The following C1QTNF7 variants were observed in gnomAD, a reference collection of about 807,000 sequenced individuals.
C1QTNF7 encodes C1q and TNF related 7, also known as complement C1q tumor necrosis factor-related protein 7.
In C1QTNF7, 15 loss-of-function variants were observed where a neutral mutation model predicts 19.6. The observed-to-expected ratio is 0.76, with a 90% CI of 0.51 to 1.18. The LOEUF is 1.18. Ranked by LOEUF, C1QTNF7 falls within the 50% of genes most tolerant of loss-of-function variation. C1QTNF7 has a pLI of 0.00. For missense variants in C1QTNF7, 324 were observed against 359.7 expected (o/e 0.90, Z 0.80); for synonymous variants, 142 against 137.5 (o/e 1.03, Z -0.23).
At chr4:15,405,250 C>T (rs578171986) in intron 1 of C1QTNF7, among the ~76,000 whole-genome samples, 1 of 152,180 alleles carries the variant, frequency 6.6e-6, no homozygotes, top group Non-Finnish European at 1.5e-5. Flanking sequence ...CGAATGACAG[C>T]AGGCGGGCTC....
At chr4:15,390,517 C>G (rs542453805) in intron 1 of C1QTNF7, among the ~76,000 whole-genome samples, 1 of 152,186 alleles carries the variant, frequency 6.6e-6, no homozygotes, top group East Asian at 1.9e-4. Flanking sequence ...AGAGGAGGAG[C>G]CCATGAAACA....
chr4:15,429,126 T>A (rs1712189598), intron 1 of C1QTNF7, among the ~76,000 whole-genome samples: 1 of 152,174 alleles, frequency 6.6e-6, no homozygotes. Flanking sequence ...GGTGTGAGGA[T>A]AAAGTAAAAG....
intron 1 of C1QTNF7, among the ~76,000 whole-genome samples, chr4:15,351,519 A>G (rs1443838467): frequency 6.6e-6 from 1 of 152,192 alleles, no homozygotes; most frequent in Non-Finnish European, 1.5e-5. Flanking sequence ...TTACATAAAT[A>G]AAGGAGAGTA....
intron 1 of C1QTNF7, among the ~76,000 whole-genome samples, chr4:15,353,556 G>C (rs913818197): frequency 6.6e-6 from 1 of 152,146 alleles, no homozygotes; most frequent in Admixed American, 6.5e-5. Flanking sequence ...ACATGGGCAA[G>C]GTTGCCATCT....
chr4:15,439,296 A>G (rs1712658383), intron 2 of C1QTNF7, among the ~76,000 whole-genome samples: 1 of 152,226 alleles, frequency 6.6e-6, no homozygotes, highest in Non-Finnish European at 1.5e-5. Context: ...TAGAAAATCC[A>G]AACTTTCAGG....
At chr4:15,362,639 T>A (rs2109300090) in intron 1 of C1QTNF7, 1 of 152,348 alleles carries the variant, frequency 6.6e-6, no homozygotes, top group East Asian at 1.9e-4. Flanking sequence ...CTGGCACCTC[T>A]GTTTGTAAGA....
intron 1 of C1QTNF7, among the ~76,000 whole-genome samples, chr4:15,347,147 C>A (rs1231277944): frequency 6.6e-6 from 1 of 152,120 alleles, no homozygotes; most frequent in Non-Finnish European, 1.5e-5. Context: ...AAAATGTGTT[C>A]ATTGTCCTCC....
At chr4:15,431,338 TG>T (rs1319551251) in intron 1 of C1QTNF7, among the ~76,000 whole-genome samples, 2 of 152,044 alleles carry the variant, frequency 1.3e-5, no homozygotes, top group Non-Finnish European at 2.9e-5. Flanking sequence ...GATGCCAACA[TG>T]GGGAAGGAGG....
chr4:15,419,088 G>C (rs1711604610), intron 1 of C1QTNF7, among the ~76,000 whole-genome samples: 1 of 152,204 alleles, frequency 6.6e-6, no homozygotes, highest in East Asian at 1.9e-4. Flanking sequence ...GTGCCTGGCT[G>C]TGGGGGAACT....
intron 1 of C1QTNF7, among the ~76,000 whole-genome samples, chr4:15,395,311 A>G (rs938673167): frequency 6.6e-6 from 1 of 152,112 alleles, no homozygotes; most frequent in Non-Finnish European, 1.5e-5. Flanking sequence ...TCCATAAAAG[A>G]GATGGTGGGG....
intron 1 of C1QTNF7, chr4:15,419,846 A>T (rs963674145): frequency 6.6e-6 from 1 of 152,024 alleles, no homozygotes; most frequent in Non-Finnish European, 1.5e-5. Flanking sequence ...GCCAAACAAA[A>T]ACCAAACAAA....
intron 1 of C1QTNF7, among the ~76,000 whole-genome samples, chr4:15,406,120 G>T (rs1295418009): frequency 1.3e-5 from 2 of 152,138 alleles, no homozygotes; most frequent in Non-Finnish European, 2.9e-5. Flanking sequence ...TACGCTGTTG[G>T]AATAATCACT....
intron 1 of C1QTNF7, among the ~76,000 whole-genome samples, chr4:15,367,620 AC>A (rs1717573936): frequency 6.6e-6 from 1 of 152,154 alleles, no homozygotes; most frequent in African/African-American, 2.4e-5. Flanking sequence ...ATTGTCACCT[AC>A]AAGAAAAGCA....
intron 1 of C1QTNF7, among the ~76,000 whole-genome samples, chr4:15,354,137 A>G (rs1259861289): frequency 6.6e-6 from 1 of 152,072 alleles, no homozygotes; most frequent in African/African-American, 2.4e-5. Flanking sequence ...GAGGTCTCAC[A>G]CTTCATGGGA....
chr4:15,351,636 T>C (rs1716944084), intron 1 of C1QTNF7, among the ~76,000 whole-genome samples: 1 of 150,746 alleles, frequency 6.6e-6, no homozygotes, highest in Non-Finnish European at 1.5e-5. Flanking sequence ...TCTCTGGGGG[T>C]GGAACCCAGG....
chr4:15,442,817 G>A lies in C1QTNF7; in HGVS notation c.*18G>A. On this transcript the variant is annotated 3_prime_UTR_variant, in exon 3 of 3. Transcript: ENST00000444304. ...AATTGTGATCAGGACCAAGATCCCTGTGGTAAACACTCTGATTGAATCTGG... is the reference window on the plus strand; with the variant it reads ...AATTGTGATCAGGACCAAGATCCCTATGGTAAACACTCTGATTGAATCTGG... The A allele has an allele frequency of 6.4e-7, 1 of 1,572,222 alleles. No individual in the cohort carries two copies. Among genetic ancestry groups the A allele is most frequent in the South Asian group, 1.2e-5 (1 of 84,098 alleles).
intron 1 of C1QTNF7, among the ~76,000 whole-genome samples, chr4:15,411,312 A>G (rs1719395649): frequency 6.6e-6 from 1 of 152,238 alleles, no homozygotes; most frequent in African/African-American, 2.4e-5. Flanking sequence ...ATGAATGTGC[A>G]AGGAAGACTT....
intron 1 of C1QTNF7, among the ~76,000 whole-genome samples, chr4:15,356,944 T>G (rs1170673047): frequency 2.0e-5 from 2 of 100,464 alleles, no homozygotes; most frequent in East Asian, 5.8e-4. Context: ...GATAAAGTTG[T>G]TTTTTTTTTT....
At chr4:15,359,184 ATGCCTATGAGTG>A (rs1305981727) in intron 1 of C1QTNF7, among the ~76,000 whole-genome samples, 6 of 152,164 alleles carry the variant, frequency 3.9e-5, no homozygotes, top group Admixed American at 3.9e-4. Context: ...GCAAGGTCCA[ATGCCTATGAGTG>A]TCTGCTCTCA....
Sources: gnomAD v4.1 joint callset for allele counts (sites outside exome capture counted in the v4.1 genomes callset) on GRCh38, gnomAD v4.1.1 for gene constraint, MANE v1.5 for transcripts, NCBI Gene and HGNC (gene_info 2026-07-23, HGNC 2026-07-21) for gene names.